IQGAP1: variants seen among roughly 807,000 people sequenced by gnomAD.
The protein encoded by IQGAP1 is IQ motif containing GTPase activating protein 1, also known as ras GTPase-activating-like protein IQGAP1.
Under a neutral mutation model 215.6 loss-of-function variants are expected in IQGAP1, and 66 were observed. The ratio of observed to expected loss-of-function variants is 0.31; its 90% CI spans 0.25 to 0.38. The LOEUF (loss-of-function observed/expected upper bound fraction) is 0.38, where lower values mean the gene tolerates loss of function less well. Ranked by LOEUF, IQGAP1 falls within the 10% of genes least tolerant of loss-of-function variation. The pLI is 1.00. For missense variants in IQGAP1, 1,712 were observed against 1,997.1 expected (o/e 0.86, Z 2.72); for synonymous variants, 772 against 728.7 (o/e 1.06, Z -0.96).
In IQGAP1 at chr15:90,397,199, T is replaced by A. The variant is rs185786255; in HGVS notation, c.155+6326T>A. 2.6e-5 allele frequency among the ~76,000 whole-genome samples: 4 copies of A among 152,306 alleles called. No homozygotes were observed. In the East Asian group the frequency reaches 7.7e-4, roughly 29 times the overall value. On this transcript the variant is annotated intron_variant, in intron 2 of 37. Coordinates refer to ENST00000268182, the MANE Select transcript of IQGAP1 (RefSeq NM_003870.4). ...AAATGTAAAGAGTTGAACTAGTTAG[T>A]ACCCATTATTATTAAGAAAAGTCAT... is the stretch of plus-strand genomic sequence containing the variant.
At chr15:90,476,497 G>C (rs1965981280) in intron 23 of IQGAP1, among the ~76,000 whole-genome samples, 166 bp from the exon 24 acceptor site, 1 of 152,194 alleles carries the variant, frequency 6.6e-6, no homozygotes. Context: ...GATTTGACTG[G>C]TGTACTGAAA....
intron 2 of IQGAP1, among the ~76,000 whole-genome samples, chr15:90,392,122 C>T (rs1484084725): frequency 2.0e-5 from 3 of 152,024 alleles, no homozygotes; most frequent in East Asian, 3.8e-4. Flanking sequence ...TTTTTTGTGC[C>T]CCTCTGGTCC....
intron 18 of IQGAP1, among the ~76,000 whole-genome samples, chr15:90,470,721 C>G (rs1019427538): frequency 6.6e-6 from 1 of 152,114 alleles, no homozygotes; most frequent in African/African-American, 2.4e-5. Context: ...TCCTGTCCAG[C>G]TTTTACTTAG....
Position 90,388,392 on chromosome 15 carries a change from T to C in IQGAP1, c.51T>C (p.Tyr17=). ...VDGLGVARPH[Y]GSVLDNERLT... ...GGCTGGGCGTGGCCCGGCCGCACTATGGCTGTGAGTGCGGGGCTCCGCGGC... is the reference window on the plus strand; with the variant it reads ...GGCTGGGCGTGGCCCGGCCGCACTACGGCTGTGAGTGCGGGGCTCCGCGGC... The change falls in exon 1 of 38, where the codon TAT becomes TAC. Residue 17 remains tyrosine (Y), a synonymous_variant. Coordinates refer to ENST00000268182, the MANE Select transcript of IQGAP1 (RefSeq NM_003870.4). 6.5e-7 allele frequency: 1 copy of C among 1,540,832 alleles called. No individual in the cohort carries two copies.
chr15:90,423,314 G>T (rs1439901787), intron 2 of IQGAP1, among the ~76,000 whole-genome samples: 4 of 152,138 alleles, frequency 2.6e-5, no homozygotes, highest in Non-Finnish European at 5.9e-5. Flanking sequence ...ACTCACTGCA[G>T]CTTCTACCTC....
chr15:90,493,688 T>G (rs1168938085), intron 35 of IQGAP1, among the ~76,000 whole-genome samples: 1 of 152,184 alleles, frequency 6.6e-6, no homozygotes, highest in Non-Finnish European at 1.5e-5. Flanking sequence ...CCTCTGTTTC[T>G]CTCTTTCCAT....
intron 2 of IQGAP1, among the ~76,000 whole-genome samples, chr15:90,394,381 T>G (rs554140104): frequency 2.0e-5 from 3 of 152,150 alleles, no homozygotes; most frequent in South Asian, 4.1e-4. Context: ...CTATTTAGAT[T>G]GTAAACTAGA....
chr15:90,395,312 G>T lies in IQGAP1; in HGVS notation c.155+4439G>T, dbSNP rs376189657. 2.5e-3 allele frequency among the ~76,000 whole-genome samples: 381 copies of T among 151,238 alleles called. 2 individuals are homozygous for T. The highest frequency in any genetic ancestry group is 0.014 in the Middle Eastern group (4 of 294). Reference sequence around the variant, plus strand: ...ACATTTGTTTAGGCTAAGGAGCGGGGTTTTTTTTGTTTTTTTGTTTTTTTT... The same window carrying T: ...ACATTTGTTTAGGCTAAGGAGCGGGTTTTTTTTTGTTTTTTTGTTTTTTTT... On this transcript the variant is annotated intron_variant, in intron 2 of 37. Coordinates refer to ENST00000268182, the MANE Select transcript of IQGAP1 (RefSeq NM_003870.4).
intron 5 of IQGAP1, among the ~76,000 whole-genome samples, chr15:90,435,626 A>C (rs2151017322): frequency 6.6e-6 from 1 of 152,348 alleles, no homozygotes; most frequent in South Asian, 2.1e-4. Context: ...TGAACGTGGA[A>C]GCAGAATTCC....
intron 5 of IQGAP1, among the ~76,000 whole-genome samples, chr15:90,439,057 A>G (rs964096100): frequency 3.3e-5 from 5 of 152,106 alleles, no homozygotes; most frequent in African/African-American, 1.2e-4. Flanking sequence ...AGTTTGTGCC[A>G]GAACCGGGAC....
chr15:90,435,029 A>G (rs1965351934), intron 5 of IQGAP1, among the ~76,000 whole-genome samples: 1 of 152,210 alleles, frequency 6.6e-6, no homozygotes, highest in Non-Finnish European at 1.5e-5. Flanking sequence ...GTAGGTATAT[A>G]ATACTGATCT....
At chr15:90,492,522 T>C in intron 34 of IQGAP1, 23 bp from the exon 35 acceptor site, 3 of 1,577,902 alleles carry the variant, frequency 1.9e-6, no homozygotes, top group Non-Finnish European at 2.6e-6. Context: ...GTTATTTTTC[T>C]AACTTTAATA....
At chr15:90,393,296 C>T (rs779374885) in intron 2 of IQGAP1, among the ~76,000 whole-genome samples, 6 of 152,036 alleles carry the variant, frequency 3.9e-5, no homozygotes, top group Non-Finnish European at 1.5e-5. Context: ...TTGCATATAA[C>T]CTTAGCACAT....
chr15:90,414,378 G>T (rs927313631), intron 2 of IQGAP1, among the ~76,000 whole-genome samples: 1 of 152,050 alleles, frequency 6.6e-6, no homozygotes. Context: ...TACATTTGCT[G>T]CCTCTCCTTC....
Position 90,498,072 on chromosome 15 carries a change from C to T in IQGAP1, c.4860+732C>T, listed in dbSNP as rs183016881. Among the ~76,000 whole-genome samples, 245 of 151,872 alleles carry T rather than the reference C, an allele frequency of 1.6e-3. 1 individual carries two copies. The highest frequency in any genetic ancestry group is 3.3e-3 in the Admixed American group (50 of 15,240). On this transcript the variant is annotated intron_variant, in intron 37 of 37. Coordinates refer to ENST00000268182, the MANE Select transcript of IQGAP1 (RefSeq NM_003870.4). ...CCCTCCCCTGCCTCCCAACCCCGCC[C>T]CTTTTGTTCCTCCATGGAGTACTTC...
intron 3 of IQGAP1, among the ~76,000 whole-genome samples, chr15:90,429,387 C>A (rs1965271490): frequency 6.6e-6 from 1 of 152,162 alleles, no homozygotes; most frequent in Admixed American, 6.5e-5. Context: ...GCACACTATA[C>A]ACAAGAAGGC....
chr15:90,465,969 G>T, intron 15 of IQGAP1, 32 bp from the exon 16 acceptor site: 1 of 1,545,672 alleles, frequency 6.5e-7, no homozygotes, highest in Non-Finnish European at 8.9e-7. Flanking sequence ...CTGATTTCAT[G>T]ACTTTAATAT....
intron 3 of IQGAP1, among the ~76,000 whole-genome samples, chr15:90,426,591 T>G (rs1965226004): frequency 6.6e-6 from 1 of 152,170 alleles, no homozygotes; most frequent in South Asian, 2.1e-4. Context: ...CTAGAAATTT[T>G]CCTAGTTGTA....
chr15:90,458,517 A>G (rs1008535675), intron 15 of IQGAP1, among the ~76,000 whole-genome samples: 1 of 152,204 alleles, frequency 6.6e-6, no homozygotes, highest in African/African-American at 2.4e-5. Context: ...AGCAAAAACA[A>G]ACATTACTAC....
Sources: allele counts gnomAD v4.1 joint callset (sites outside exome capture counted in the v4.1 genomes callset), GRCh38; gene constraint gnomAD v4.1.1; transcripts MANE v1.5; gene names NCBI Gene and HGNC (gene_info 2026-07-23, HGNC 2026-07-21).